Variants in SPTB observed in about 807,000 individuals in gnomAD.
The protein encoded by SPTB is spectrin beta, erythrocytic, also known as spectrin beta chain, erythrocytic.
Under a neutral mutation model 256.2 loss-of-function variants are expected in SPTB, and 45 were observed. The ratio of observed to expected loss-of-function variants is 0.18; its 90% CI spans 0.14 to 0.23. SPTB has a LOEUF of 0.23. Ranked by LOEUF, SPTB falls within the 10% of genes least tolerant of loss-of-function variation. The pLI is 1.00. For synonymous variants in SPTB, 1,231 were observed against 1,243.1 expected, an observed-to-expected ratio of 0.99 and a Z score of 0.21; for missense variants, 2,715 against 3,040.4, an observed-to-expected ratio of 0.89 and a Z score of 2.52.
At chr14:64,849,399 T>C (rs975278480) in intron 1 of SPTB, among the ~76,000 whole-genome samples, 3 of 152,230 alleles carry the variant, frequency 2.0e-5, no homozygotes, top group African/African-American at 7.2e-5. Flanking sequence ...AAAACTACTT[T>C]ATAGGTAGCA....
rs2082287542 is a variant in SPTB, at chr14:64,772,187, T to G, written c.5553+393A>C. On this transcript the variant is annotated intron_variant, in intron 26 of 35. Coordinates refer to ENST00000644917, the MANE Select transcript of SPTB (RefSeq NM_001355436.2). This position sits in a 1 kb window ranked among gnomAD's most constrained non-coding sequence, Gnocchi z 5.4. ...GGGAAACTTATGGGTCTTCTACCTC[T>G]CCCTTTTCTCATCTACAAAGTGCAG... 6.6e-6 allele frequency among the ~76,000 whole-genome samples: 1 copy of G among 152,148 alleles called. No individual in the cohort carries two copies. The highest frequency in any genetic ancestry group is 1.5e-5 in the Non-Finnish European group (1 of 68,028).
chr14:64,848,138 T>G (rs1268808514), intron 1 of SPTB, among the ~76,000 whole-genome samples: 1 of 152,214 alleles, frequency 6.6e-6, no homozygotes, highest in African/African-American at 2.4e-5. Context: ...TTAAATCTAC[T>G]TTTTAAGAAA....
chr14:64,789,894 C>T (rs560750149), intron 15 of SPTB, among the ~76,000 whole-genome samples: 17 of 151,972 alleles, frequency 1.1e-4, no homozygotes, highest in Non-Finnish European at 2.1e-4. Context: ...GAGAATGCAC[C>T]CTGAGGGAAA....
intron 2 of SPTB, among the ~76,000 whole-genome samples, chr14:64,812,680 T>C (rs1378566613): frequency 1.3e-5 from 2 of 152,036 alleles, no homozygotes; most frequent in African/African-American, 4.8e-5. Context: ...CTGCAGCACC[T>C]GCTTCACCTC....
rs2082552367 is a variant in SPTB, at chr14:64,785,687, TTGGGGTCCTCACTACCCCC to T, written c.3764+43_3764+61del. On this transcript the variant is annotated intron_variant, in intron 17 of 35. Transcript: ENST00000644917. This position sits in a 1 kb window ranked among gnomAD's most constrained non-coding sequence, Gnocchi z 4.4. ...GCCGAGCTTGGGGTCCTCACCAAGC[TTGGGGTCCTCACTACCCCC>T]GTGTGGCTCTGGGGGCCTCGTGGCC... 1.2e-6 allele frequency: 2 copies of T among 1,613,320 alleles called. No homozygotes were observed. Among genetic ancestry groups the T allele is most frequent in the South Asian group, 2.2e-5 (2 of 91,060 alleles).
chr14:64,782,865 C>T (rs961643652), intron 19 of SPTB, among the ~76,000 whole-genome samples: 4 of 149,802 alleles, frequency 2.7e-5, no homozygotes, highest in Non-Finnish European at 5.9e-5. Context: ...ATATGCACCA[C>T]CACAGATAAG....
chr14:64,761,550 C>G (rs928479766), intron 32 of SPTB, among the ~76,000 whole-genome samples: 2 of 152,174 alleles, frequency 1.3e-5, no homozygotes, highest in African/African-American at 4.8e-5. Flanking sequence ...GAGATGGCAA[C>G]TGGGGGGCCT....
In SPTB at chr14:64,776,724, G is replaced by A. The variant is rs145619810; in HGVS notation, c.4564-1321C>T. 3.4e-3 allele frequency among the ~76,000 whole-genome samples: 522 copies of A among 152,352 alleles called. 12 individuals carry two copies. Among genetic ancestry groups the A allele is most frequent in the Admixed American group, 0.027 (417 of 15,302 alleles). On this transcript the variant is annotated intron_variant, in intron 22 of 35. Transcript: ENST00000644917. ...CCCAAAGTGCTGGGATTACGGGTGT[G>A]AACCACTGCGCCCGGCCTAAAAGGG...
chr14:64,857,330 C>G lies in SPTB; in HGVS notation c.-52+22462G>C, dbSNP rs552936587. ...GGACACAGTGGCCCACGCTTATAATCCTGACACTTTGGGAGGCCGAGGCGG... is the reference window on the plus strand; with the variant it reads ...GGACACAGTGGCCCACGCTTATAATGCTGACACTTTGGGAGGCCGAGGCGG... On this transcript the variant is annotated intron_variant, in intron 1 of 35. Transcript: ENST00000644917. Among the ~76,000 whole-genome samples the G allele has an allele frequency of 5.9e-5, 9 of 152,178 alleles. No homozygotes were observed. The South Asian group carries it at 1.5e-3, about 25-fold the overall frequency.
intron 30 of SPTB, 24 bp from the exon 31 acceptor site, chr14:64,767,376 G>A (rs1428456590): frequency 5.0e-6 from 8 of 1,613,582 alleles, no homozygotes; most frequent in Admixed American, 1.7e-5. Flanking sequence ...AGGCCCAGGG[G>A]TCAGAGCAGC....
intron 1 of SPTB, among the ~76,000 whole-genome samples, chr14:64,833,532 C>T (rs2083478959): frequency 6.8e-6 from 1 of 148,126 alleles, no homozygotes; most frequent in Non-Finnish European, 1.5e-5. Flanking sequence ...GCCTGGGTGA[C>T]AGAGCAAGAG....
chr14:64,794,339 A>G, intron 13 of SPTB, 128 bp downstream of exon 13: 1 of 1,299,402 alleles, frequency 7.7e-7, no homozygotes, highest in Non-Finnish European at 1.1e-6. Flanking sequence ...TCTTTCTTGG[A>G]CCATTACTTG....
chr14:64,787,018 G>C lies in SPTB; in HGVS notation c.2947C>G (p.Leu983Val). The change falls in exon 16 of 36, where the codon CTG (leucine) becomes GTG (valine). Residue 983 changes from leucine (L) to valine (V), a missense_variant. Physicochemically the swap from Leu to Val is conservative, Grantham distance 32. Around this residue, in one of 4 missense-constraint regions of SPTB, gnomAD observed 2,239 missense variants for 2,384.4 expected, o/e 0.94. Transcript: ENST00000644917. The part of the protein sequence containing the change: ...KTKVVESTKD[L>V]GRDLAGIIAI... The stretch of plus-strand genomic sequence containing the variant: ...ATGATACCTGCCAGGTCCCGCCCCA[G>C]GTCTTTTGTGGACTCCACTACCTTT... 10 of 1,614,138 alleles carry C rather than the reference G, an allele frequency of 6.2e-6. No individual in the cohort carries two copies. Among genetic ancestry groups the C allele is most frequent in the Non-Finnish European group, 8.5e-6 (10 of 1,180,040 alleles).
rs1012311534 is a variant in SPTB, at chr14:64,753,565, C to G, written c.6574G>C (p.Glu2192Gln). 1 of 1,613,546 alleles carries G rather than the reference C, an allele frequency of 6.2e-7. No homozygotes were observed. Among genetic ancestry groups the G allele is most frequent in the Non-Finnish European group, 8.5e-7 (1 of 1,180,012 alleles). The change falls in exon 33 of 36, where the codon GAG (glutamate) becomes CAG (glutamine). Residue 2192 changes from glutamate (E) to glutamine (Q), a missense_variant. Physicochemically the swap from Glu to Gln is conservative, Grantham distance 29. Around this residue, in one of 4 missense-constraint regions of SPTB, gnomAD observed 2,239 missense variants for 2,384.4 expected, o/e 0.94. Coordinates refer to ENST00000644917, the MANE Select transcript of SPTB (RefSeq NM_001355436.2). ...EGYLGRKHDLEGPNKKASNRS... is the reference protein window; with the variant it reads ...EGYLGRKHDLQGPNKKASNRS... Reference sequence around the variant, plus strand: ...TTGGAAGCCTTCTTGTTGGGCCCCTCCAGGTCATGCTTGCGGCCCAGGTAG... The same window carrying G: ...TTGGAAGCCTTCTTGTTGGGCCCCTGCAGGTCATGCTTGCGGCCCAGGTAG...
At chr14:64,859,828 T>C (rs2083936156) in intron 1 of SPTB, among the ~76,000 whole-genome samples, 1 of 152,172 alleles carries the variant, frequency 6.6e-6, no homozygotes, top group Non-Finnish European at 1.5e-5. Flanking sequence ...AGGTGGATGA[T>C]GAAGAACTTT....
At position 64,831,713 on chromosome 14, in the gene SPTB, T is replaced by C. The variant is rs77594298; in HGVS notation, c.-51-8568A>G. ...AGAATGTTTACTGAGGCATTGATTG[T>C]GGTGGCGGGGAGGTGGAAATAACCT... is the stretch of plus-strand genomic sequence containing the variant. On this transcript the variant is annotated intron_variant, in intron 1 of 35. Coordinates refer to ENST00000644917, the MANE Select transcript of SPTB (RefSeq NM_001355436.2). Among the ~76,000 whole-genome samples the C allele has an allele frequency of 6.0e-3, 909 of 152,294 alleles. 6 individuals are homozygous for C. Among genetic ancestry groups the C allele is most frequent in the African/African-American group, 0.021 (872 of 41,552 alleles).
At chr14:64,849,821 A>T (rs896727742) in intron 1 of SPTB, among the ~76,000 whole-genome samples, 3 of 152,210 alleles carry the variant, frequency 2.0e-5, no homozygotes, top group African/African-American at 7.2e-5. Flanking sequence ...TAACTACAGC[A>T]AGGAGTACCT....
intron 1 of SPTB, among the ~76,000 whole-genome samples, chr14:64,831,489 G>T (rs2083450217): frequency 6.6e-6 from 1 of 152,214 alleles, no homozygotes; most frequent in East Asian, 1.9e-4. Flanking sequence ...GAGAAATGCA[G>T]ATTAAAACAA....
chr14:64,773,498 A>T (rs2082310642), intron 24 of SPTB, 74 bp from the exon 25 acceptor site: 17 of 1,487,448 alleles, frequency 1.1e-5, no homozygotes, highest in Non-Finnish European at 1.6e-5. Context: ...GGGAGCCAAC[A>T]TATGCCAACC....
Sources: gnomAD v4.1 joint callset for allele counts (sites outside exome capture counted in the v4.1 genomes callset) on GRCh38, gnomAD v4.1.1 for gene constraint, gnomAD v4.1.1 regional missense constraint, Gnocchi (gnomAD v3.1) non-coding constraint, MANE v1.5 for transcripts, NCBI Gene and HGNC (gene_info 2026-07-23, HGNC 2026-07-21) for gene names.